ASAP1: variants seen among roughly 807,000 people sequenced by gnomAD.
The protein encoded by ASAP1 is arf-GAP with SH3 domain, ANK repeat and PH domain-containing protein 1.
A neutral mutation model predicts 145.2 loss-of-function variants in ASAP1; 43 were observed. The ratio of observed to expected loss-of-function variants is 0.30; its 90% CI spans 0.23 to 0.38. ASAP1 has a LOEUF of 0.38. Ranked by LOEUF, ASAP1 falls within the 10% of genes least tolerant of loss-of-function variation. The pLI is 1.00. For synonymous variants in ASAP1, 546 were observed against 515.5 expected (o/e 1.06, Z -0.80); for missense variants, 1,018 against 1,355.3 (o/e 0.75, Z 3.91).
rs573555979 is a variant in ASAP1, at chr8:130,180,222, C to T, written c.660+529G>A. 5.3e-5 allele frequency among the ~76,000 whole-genome samples: 8 copies of T among 152,282 alleles called. No homozygotes were observed. The South Asian group carries it at 8.3e-4, about 16-fold the overall frequency. On this transcript the variant is annotated intron_variant, in intron 8 of 29. Coordinates refer to ENST00000518721, the MANE Select transcript of ASAP1 (RefSeq NM_018482.4). ...CTGAAAACTGCAAAAGAAACTCTTA[C>T]TCAACAGCCGTGTCAGAACAGGTTG...
At chr8:130,185,079 CATTTT>C (rs1259095091) in intron 7 of ASAP1, among the ~76,000 whole-genome samples, 2 of 152,124 alleles carry the variant, frequency 1.3e-5, no homozygotes, top group Non-Finnish European at 2.9e-5. Context: ...TGTGTGGAGT[CATTTT>C]GTTTTCTCTA....
intron 9 of ASAP1, among the ~76,000 whole-genome samples, chr8:130,169,839 G>A (rs13281273): frequency 0.033 from 4,968 of 152,268 alleles, 95 homozygotes; most frequent in Middle Eastern, 0.071. Flanking sequence ...GTAAGCAGCA[G>A]AGCTGGTGGA....
intron 11 of ASAP1, among the ~76,000 whole-genome samples, chr8:130,166,068 C>A (rs2097679216): frequency 6.6e-6 from 1 of 152,154 alleles, no homozygotes; most frequent in East Asian, 1.9e-4. Flanking sequence ...ATTGCCCAGG[C>A]TGGAGTACAG....
At chr8:130,235,332 TACAGA>T (rs1586652949) in intron 4 of ASAP1, among the ~76,000 whole-genome samples, 1 of 152,128 alleles carries the variant, frequency 6.6e-6, no homozygotes, top group East Asian at 1.9e-4. Flanking sequence ...TATACATACC[TACAGA>T]AAAGTACATA....
At chr8:130,403,314 T>A in intron 1 of ASAP1, among the ~76,000 whole-genome samples, 1 of 149,220 alleles carries the variant, frequency 6.7e-6, no homozygotes. Context: ...AAAACCCAGA[T>A]CCAAATAAGA....
intron 1 of ASAP1, among the ~76,000 whole-genome samples, chr8:130,430,530 G>C (rs1269465292): frequency 6.6e-6 from 1 of 152,184 alleles, no homozygotes; most frequent in Non-Finnish European, 1.5e-5. Context: ...CTCTGACCCT[G>C]ACCACCTGGG....
Position 130,428,958 on chromosome 8 carries a change from C to T in ASAP1, c.-28+14502G>A, listed in dbSNP as rs79502257. Among the ~76,000 whole-genome samples, 496 of 152,318 alleles carry T rather than the reference C, an allele frequency of 3.3e-3. 1 individual carries two copies. The highest frequency in any genetic ancestry group is 5.4e-3 in the Non-Finnish European group (369 of 68,036). On this transcript the variant is annotated intron_variant, in intron 1 of 29. Coordinates refer to ENST00000518721, the MANE Select transcript of ASAP1 (RefSeq NM_018482.4). Reference sequence around the variant, plus strand: ...TATATCAGCAGGGCCACACCCTCTCCGGTTCTTCTCAGAGAGAATCCTTCC... The same window carrying T: ...TATATCAGCAGGGCCACACCCTCTCTGGTTCTTCTCAGAGAGAATCCTTCC...
At chr8:130,199,981 T>G (rs1467794443) in intron 5 of ASAP1, among the ~76,000 whole-genome samples, 1 of 152,214 alleles carries the variant, frequency 6.6e-6, no homozygotes, top group Non-Finnish European at 1.5e-5. Flanking sequence ...AACATAACTT[T>G]TTGAAAAAGT....
intron 3 of ASAP1, among the ~76,000 whole-genome samples, chr8:130,282,320 T>C (rs1022292273): frequency 6.6e-5 from 10 of 152,244 alleles, no homozygotes; most frequent in African/African-American, 2.4e-4. Context: ...TAAAATATAT[T>C]GTGACTCCAC....
chr8:130,333,704 T>C (rs1254958456), intron 3 of ASAP1, among the ~76,000 whole-genome samples: 1 of 152,232 alleles, frequency 6.6e-6, no homozygotes, highest in Non-Finnish European at 1.5e-5. Flanking sequence ...GAAAGGTTCA[T>C]ATACAAGTCA....
intron 11 of ASAP1, 76 bp from the exon 12 acceptor site, chr8:130,160,040 C>G (rs922550410): frequency 5.6e-6 from 7 of 1,244,002 alleles, no homozygotes; most frequent in South Asian, 1.2e-5. Context: ...TGCCATTGAG[C>G]CTTTGGCACT....
At position 130,338,891 on chromosome 8, in the gene ASAP1, G is replaced by A. The variant is rs571500535; in HGVS notation, c.186+19126C>T. Reference sequence around the variant, plus strand: ...CATTTCCCCCAGAGCAGCAGTTGCTGGGCTCTTTCTGCACACTGGTTGGTC... The same window carrying A: ...CATTTCCCCCAGAGCAGCAGTTGCTAGGCTCTTTCTGCACACTGGTTGGTC... On this transcript the variant is annotated intron_variant, in intron 3 of 29. Transcript: ENST00000518721. Among the ~76,000 whole-genome samples the A allele has an allele frequency of 2.0e-5, 3 of 152,328 alleles. No individual in the cohort carries two copies. The South Asian group carries it at 6.2e-4, about 32-fold the overall frequency.
intron 24 of ASAP1, among the ~76,000 whole-genome samples, chr8:130,102,292 G>C (rs780405131): frequency 6.6e-6 from 1 of 152,112 alleles, no homozygotes; most frequent in Non-Finnish European, 1.5e-5. Flanking sequence ...ATTTATTGAA[G>C]GTTTTTATTA....
At chr8:130,281,568 A>G (rs1434345497) in intron 3 of ASAP1, among the ~76,000 whole-genome samples, 1 of 152,196 alleles carries the variant, frequency 6.6e-6, no homozygotes, top group East Asian at 1.9e-4. Flanking sequence ...TAAAAAACTT[A>G]TCCAAAGTGT....
At position 130,414,594 on chromosome 8, in the gene ASAP1, C is replaced by T. The variant is rs1297385178; in HGVS notation, c.-27-12624G>A. On this transcript the variant is annotated intron_variant, in intron 1 of 29. Transcript: ENST00000518721. ...CTTGTGATTTCCATCCAGAAATACA[C>T]ACATAACTGATGCTTCTCTTGGCCA... 5.4e-4 allele frequency among the ~76,000 whole-genome samples: 82 copies of T among 152,298 alleles called. 1 individual carries two copies. The highest frequency in any genetic ancestry group is 1.3e-4 in the Non-Finnish European group (9 of 68,026).
At chr8:130,314,908 T>G (rs1823576186) in intron 3 of ASAP1, among the ~76,000 whole-genome samples, 1 of 152,130 alleles carries the variant, frequency 6.6e-6, no homozygotes, top group African/African-American at 2.4e-5. Flanking sequence ...CTTCTGAACT[T>G]TAAGAGAGAG....
intron 5 of ASAP1, among the ~76,000 whole-genome samples, chr8:130,199,879 T>C (rs1008557687): frequency 1.3e-5 from 2 of 152,242 alleles, no homozygotes; most frequent in African/African-American, 4.8e-5. Context: ...GCCGGAGAGT[T>C]AGAAAAGTCC....
intron 3 of ASAP1, among the ~76,000 whole-genome samples, chr8:130,294,230 A>C (rs751709485): frequency 1.3e-5 from 2 of 152,230 alleles, no homozygotes; most frequent in African/African-American, 2.4e-5. Flanking sequence ...TGTGACTTGG[A>C]ACTAGTTCTC....
intron 1 of ASAP1, among the ~76,000 whole-genome samples, chr8:130,421,313 A>C (rs1829709852): frequency 6.6e-6 from 1 of 152,186 alleles, no homozygotes; most frequent in Non-Finnish European, 1.5e-5. Context: ...TTGCTTCTCC[A>C]AGCCAAACAT....
Sources: gnomAD v4.1 joint callset for allele counts (sites outside exome capture counted in the v4.1 genomes callset) on GRCh38, gnomAD v4.1.1 for gene constraint, MANE v1.5 for transcripts, NCBI Gene and HGNC (gene_info 2026-07-23, HGNC 2026-07-21) for gene names.